Variants in RPS6KA6 observed in about 807,000 individuals in gnomAD.
RPS6KA6 encodes ribosomal protein S6 kinase A6.
In RPS6KA6, 27 loss-of-function variants were observed where a neutral mutation model predicts 65.4. The observed-to-expected ratio is 0.41, with a 90% CI of 0.30 to 0.57. The LOEUF is 0.57. RPS6KA6 is among the 20% of genes least tolerant of loss of function. RPS6KA6 has a pLI of 0.24. For missense variants in RPS6KA6, 486 were observed against 555.6 expected, an observed-to-expected ratio of 0.87 and a Z score of 1.26; for synonymous variants, 190 against 184.2, an observed-to-expected ratio of 1.03 and a Z score of -0.26.
intron 8 of RPS6KA6, among the ~76,000 whole-genome samples, chrX:84,126,842 A>T (rs1475529147): frequency 1.8e-5 from 2 of 111,299 alleles, no homozygotes; most frequent in Non-Finnish European, 3.8e-5. Context: ...GAATACAGTG[A>T]AAGCAGTACT....
At chrX:84,081,442 C>A (rs936559394) in intron 20 of RPS6KA6, among the ~76,000 whole-genome samples, 2 of 111,470 alleles carry the variant, frequency 1.8e-5, no homozygotes, top group Non-Finnish European at 3.8e-5. Flanking sequence ...CCTGAATATA[C>A]CAATAACAAA....
At chrX:84,081,277 A>G (rs1207293293) in intron 20 of RPS6KA6, among the ~76,000 whole-genome samples, 1 of 111,842 alleles carries the variant, frequency 8.9e-6, no homozygotes, top group Non-Finnish European at 1.9e-5. Flanking sequence ...AAAAAATGAC[A>G]AAGGGGATAT....
At position 84,101,958 on chromosome X, in the gene RPS6KA6, C is replaced by T. The variant is rs984611423; in HGVS notation, c.1776+79G>A. The T allele has an allele frequency of 9.7e-6, 8 of 822,743 alleles. No homozygotes were observed. In the African/African-American group the frequency reaches 1.3e-4, roughly 13 times the overall value. 67.8% of individuals were successfully genotyped at this position (822,743 alleles called of 1,213,427 possible). A position where few individuals can be genotyped will look rare whatever the true frequency, so the allele number is the denominator to read the frequency against. On this transcript the variant is annotated intron_variant, in intron 18 of 21. Coordinates refer to ENST00000262752, the MANE Select transcript of RPS6KA6 (RefSeq NM_014496.5). ...AAGGTAACAGCTTTTATCTGCCTAC[C>T]ATAACATTCATATGGCATCATATAG...
intron 12 of RPS6KA6, 22 bp downstream of exon 12, chrX:84,116,207 A>C: frequency 9.8e-7 from 1 of 1,024,986 alleles, no homozygotes; most frequent in Middle Eastern, 2.6e-4. Context: ...TTATTCAATA[A>C]CAAGCTTTCT....
At chrX:84,106,026 GT>G in intron 15 of RPS6KA6, 150 bp from the exon 16 acceptor site, 1 of 384,171 alleles carries the variant, frequency 2.6e-6, no homozygotes. Flanking sequence ...AAAAACATAA[GT>G]AAAAAACTTA....
chrX:84,183,814 CCCA>C (rs1056839925), intron 1 of RPS6KA6, among the ~76,000 whole-genome samples: 4 of 110,028 alleles, frequency 3.6e-5, no homozygotes, highest in East Asian at 2.9e-4. Context: ...CACCACCACC[CCCA>C]CCACCACCAC....
At chrX:84,169,262 T>A (rs1481917390) in intron 1 of RPS6KA6, among the ~76,000 whole-genome samples, 1 of 111,482 alleles carries the variant, frequency 9.0e-6, no homozygotes, top group Non-Finnish European at 1.9e-5. Flanking sequence ...TCACATTTTA[T>A]CAGAAAAGAC....
intron 1 of RPS6KA6, among the ~76,000 whole-genome samples, chrX:84,182,200 CTT>C (rs1342430075): frequency 9.1e-6 from 1 of 110,072 alleles, no homozygotes; most frequent in Non-Finnish European, 1.9e-5. Context: ...GAAAACGTCT[CTT>C]ATCTGCAAAA....
intron 20 of RPS6KA6, among the ~76,000 whole-genome samples, chrX:84,088,100 A>G (rs972584417): frequency 8.9e-5 from 10 of 112,051 alleles, no homozygotes; most frequent in African/African-American, 2.9e-4. Flanking sequence ...TTGGGTTACA[A>G]CATGCTCCTG....
chrX:84,065,328 G>A (rs1271073720), intron 20 of RPS6KA6, among the ~76,000 whole-genome samples: 2 of 111,158 alleles, frequency 1.8e-5, no homozygotes, highest in African/African-American at 3.3e-5. Context: ...CTTTTAAATC[G>A]GAAGATGCCA....
chrX:84,114,870 A>G (rs2034534986), intron 12 of RPS6KA6, among the ~76,000 whole-genome samples: 1 of 112,039 alleles, frequency 8.9e-6, no homozygotes, highest in African/African-American at 3.2e-5. Context: ...AGAACACTCT[A>G]TTCAACACAT....
chrX:84,150,549 T>G (rs1288378263), intron 3 of RPS6KA6, among the ~76,000 whole-genome samples: 1 of 109,411 alleles, frequency 9.1e-6, no homozygotes, highest in African/African-American at 3.3e-5. Context: ...GGTCAGGGAA[T>G]AGAGGGGCCC....
chrX:84,185,714 A>T (rs754413742), intron 1 of RPS6KA6, among the ~76,000 whole-genome samples: 2 of 111,965 alleles, frequency 1.8e-5, no homozygotes, highest in African/African-American at 3.2e-5. Flanking sequence ...TTCTTTAAGG[A>T]TTCTAGCACA....
At position 84,186,147 on chromosome X, in the gene RPS6KA6, A is replaced by T. The variant is rs1309275260; in HGVS notation, c.81+1672T>A. The T allele has an allele frequency of 1.6e-5, 8 of 507,726 alleles. No individual in the cohort carries two copies. The Admixed American group carries it at 2.2e-4, about 14-fold the overall frequency. 41.8% of individuals were successfully genotyped at this position (507,726 alleles called of 1,213,427 possible). On this transcript the variant is annotated intron_variant, in intron 1 of 21. Transcript: ENST00000262752. ...GCTGAGGTAGAGAGACCCATTGTTA[A>T]ATCTCTACAATACCTAAAACATACT...
chrX:84,070,080 A>T (rs1487672637), intron 20 of RPS6KA6, among the ~76,000 whole-genome samples: 3 of 112,260 alleles, frequency 2.7e-5, no homozygotes, highest in Non-Finnish European at 5.6e-5. Context: ...AAATATTATA[A>T]ATCATTCTTG....
intron 8 of RPS6KA6, among the ~76,000 whole-genome samples, chrX:84,124,459 T>C (rs2034738484): frequency 9.0e-6 from 1 of 111,385 alleles, no homozygotes; most frequent in African/African-American, 3.3e-5. Flanking sequence ...ATAAAGAGAT[T>C]AAAATAATTA....
At chrX:84,092,185 C>T (rs1227641677) in intron 20 of RPS6KA6, among the ~76,000 whole-genome samples, 1 of 110,251 alleles carries the variant, frequency 9.1e-6, no homozygotes, top group African/African-American at 3.3e-5. Context: ...ACATGTTTCC[C>T]AGAACTTAAA....
chrX:84,140,496 G>A (rs2035075526), intron 6 of RPS6KA6, among the ~76,000 whole-genome samples: 1 of 109,726 alleles, frequency 9.1e-6, no homozygotes, highest in African/African-American at 3.3e-5. Context: ...CAGCATTTTG[G>A]GAGGCCAAGG....
chrX:84,161,380 G>A (rs2035509361), intron 2 of RPS6KA6, among the ~76,000 whole-genome samples: 2 of 111,554 alleles, frequency 1.8e-5, no homozygotes, highest in Non-Finnish European at 3.8e-5. Flanking sequence ...TATAGTGGCT[G>A]ACCAACATTT....
Sources: gnomAD v4.1 joint callset for allele counts (sites outside exome capture counted in the v4.1 genomes callset) on GRCh38, gnomAD v4.1.1 for gene constraint, MANE v1.5 for transcripts, NCBI Gene and HGNC (gene_info 2026-07-23, HGNC 2026-07-21) for gene names.